The following SMYD3 variants were observed in gnomAD, a reference collection of about 807,000 sequenced individuals.
SMYD3 encodes histone-lysine N-methyltransferase SMYD3.
In SMYD3, 36 loss-of-function variants were observed where a neutral mutation model predicts 57.7. That is an observed-to-expected ratio of 0.62 (90% CI 0.48 to 0.82). SMYD3 has a LOEUF of 0.82. SMYD3 is among the 40% of genes least tolerant of loss of function. The pLI, the probability that SMYD3 is intolerant of heterozygous loss-of-function variation, is 0.00. For missense variants in SMYD3, 515 were observed against 538.8 expected (o/e 0.96, Z 0.44); for synonymous variants, 211 against 195.0 (o/e 1.08, Z -0.68).
chr1:246,433,665 G>A (rs1017887410), intron 1 of SMYD3, among the ~76,000 whole-genome samples: 3 of 151,936 alleles, frequency 2.0e-5, no homozygotes, highest in South Asian at 2.1e-4. Flanking sequence ...GCTCCGTCTC[G>A]AAAAAATAAA....
intron 2 of SMYD3, among the ~76,000 whole-genome samples, chr1:246,344,944 C>A (rs2065688114): frequency 6.6e-6 from 1 of 151,954 alleles, no homozygotes; most frequent in South Asian, 2.1e-4. Flanking sequence ...CTGGAAACAA[C>A]TTCTTGGTTG....
intron 8 of SMYD3, among the ~76,000 whole-genome samples, chr1:245,865,576 T>C (rs188123376): frequency 6.6e-6 from 1 of 152,354 alleles, no homozygotes; most frequent in Admixed American, 6.5e-5. Context: ...GCTATCTTCT[T>C]GTCAAATATT....
intron 5 of SMYD3, among the ~76,000 whole-genome samples, chr1:246,143,814 C>A (rs12134639): frequency 6.6e-6 from 1 of 152,158 alleles, no homozygotes; most frequent in Non-Finnish European, 1.5e-5. Flanking sequence ...TAGGTCAACA[C>A]CATTTACCTA....
chr1:246,420,076 G>A (rs1367198505), intron 1 of SMYD3, among the ~76,000 whole-genome samples: 3 of 152,170 alleles, frequency 2.0e-5, no homozygotes, highest in African/African-American at 4.8e-5. Flanking sequence ...GCACATGCCT[G>A]TAGTCCCAGC....
At chr1:246,312,765 G>A (rs557373482) in intron 5 of SMYD3, among the ~76,000 whole-genome samples, 28 of 152,264 alleles carry the variant, frequency 1.8e-4, no homozygotes, top group African/African-American at 6.3e-4. Context: ...GGTAACCAGA[G>A]ACAAATCAGC....
intron 5 of SMYD3, among the ~76,000 whole-genome samples, chr1:246,290,818 C>A (rs2148592934): frequency 6.6e-6 from 1 of 152,162 alleles, no homozygotes. Flanking sequence ...TAAATACACA[C>A]AATCTTAATT....
At chr1:246,030,352 T>C (rs1465825467) in intron 5 of SMYD3, among the ~76,000 whole-genome samples, 1 of 152,194 alleles carries the variant, frequency 6.6e-6, no homozygotes, top group Non-Finnish European at 1.5e-5. Flanking sequence ...GGCTCTTATG[T>C]GGGAGCAAAA....
At chr1:245,877,817 C>T (rs1249165976) in intron 8 of SMYD3, among the ~76,000 whole-genome samples, 2 of 152,136 alleles carry the variant, frequency 1.3e-5, no homozygotes, top group Non-Finnish European at 2.9e-5. Flanking sequence ...GGTACAGTTA[C>T]CCCTAGGAAG....
intron 5 of SMYD3, among the ~76,000 whole-genome samples, chr1:246,259,488 T>C (rs905258229): frequency 6.6e-6 from 1 of 152,206 alleles, no homozygotes; most frequent in Non-Finnish European, 1.5e-5. Flanking sequence ...GATCTATTTG[T>C]TTTGCTTCTA....
At position 246,429,368 on chromosome 1, in the gene SMYD3, A is replaced by G. The variant is rs2067267009; in HGVS notation, c.165-74274T>C. ...TGTAAGACATGCCATTATTAAAGAT[A>G]CCATTAAAAACAGTATAGCACTGCC... On this transcript the variant is annotated intron_variant, in intron 1 of 11. Transcript: ENST00000490107. Among the ~76,000 whole-genome samples the G allele has an allele frequency of 2.0e-5, 3 of 152,212 alleles. No individual in the cohort carries two copies. The South Asian group carries it at 6.2e-4, about 32-fold the overall frequency.
intron 5 of SMYD3, among the ~76,000 whole-genome samples, chr1:246,037,679 G>A (rs1374459439): frequency 2.0e-5 from 3 of 152,304 alleles, no homozygotes; most frequent in Non-Finnish European, 4.4e-5. Context: ...GCGTCACAAT[G>A]TCATTCCCTT....
At chr1:245,939,128 G>C (rs2057112449) in intron 5 of SMYD3, among the ~76,000 whole-genome samples, 1 of 150,794 alleles carries the variant, frequency 6.6e-6, no homozygotes, top group African/African-American at 2.4e-5. Flanking sequence ...CGGCGACAGA[G>C]CGAGACTCCA....
At chr1:245,884,185 T>C (rs2052950663) in intron 8 of SMYD3, among the ~76,000 whole-genome samples, 1 of 152,170 alleles carries the variant, frequency 6.6e-6, no homozygotes. Flanking sequence ...TACCTATAGC[T>C]GAAGTCTATT....
At chr1:246,058,253 C>G (rs368642044) in intron 5 of SMYD3, among the ~76,000 whole-genome samples, 1 of 152,112 alleles carries the variant, frequency 6.6e-6, no homozygotes, top group East Asian at 1.9e-4. Flanking sequence ...CATGGAGGTT[C>G]ATCAGCTGTC....
At chr1:246,443,228 C>T (rs1033091602) in intron 1 of SMYD3, among the ~76,000 whole-genome samples, 4 of 152,142 alleles carry the variant, frequency 2.6e-5, no homozygotes, top group African/African-American at 7.2e-5. Flanking sequence ...ATGTGTTAAA[C>T]CCTATTTAAT....
chr1:245,804,674 T>C (rs904976767), intron 10 of SMYD3, among the ~76,000 whole-genome samples: 1 of 152,222 alleles, frequency 6.6e-6, no homozygotes, highest in African/African-American at 2.4e-5. Context: ...TAGTACCTTA[T>C]AAAAGAGCTA....
intron 5 of SMYD3, among the ~76,000 whole-genome samples, chr1:246,242,807 T>A (rs1271145319): frequency 2.0e-5 from 3 of 151,884 alleles, no homozygotes; most frequent in African/African-American, 7.3e-5. Flanking sequence ...AATCCTAGTC[T>A]CTGATAAAAC....
chr1:246,370,365 G>A (rs2066174354), intron 1 of SMYD3, among the ~76,000 whole-genome samples: 1 of 152,214 alleles, frequency 6.6e-6, no homozygotes, highest in African/African-American at 2.4e-5. Flanking sequence ...CAGTTCAGGT[G>A]AAGGAAATGT....
intron 1 of SMYD3, 48 bp downstream of exon 1, chr1:246,506,989 GCCCCCCCCTCCCCAGCA>G: frequency 3.1e-6 from 2 of 649,324 alleles, no homozygotes; most frequent in Non-Finnish European, 4.2e-6. Flanking sequence ...GCCGCCCGAC[GCCCCCCCCTCCCCAGCA>G]CCCCACACAG....
Sources: gnomAD v4.1 joint callset for allele counts (sites outside exome capture counted in the v4.1 genomes callset) on GRCh38, gnomAD v4.1.1 for gene constraint, MANE v1.5 for transcripts, NCBI Gene and HGNC (gene_info 2026-07-23, HGNC 2026-07-21) for gene names.